Variants in CAST observed in about 807,000 individuals in gnomAD.
CAST encodes calpastatin.
A neutral mutation model predicts 119.6 loss-of-function variants in CAST; 76 were observed. The observed-to-expected ratio is 0.64, with a 90% CI of 0.53 to 0.77. CAST has a LOEUF of 0.77. Among genes scored for constraint, CAST ranks in the 30% least tolerant of loss-of-function variants. CAST has a pLI of 0.00. For missense variants in CAST, 953 were observed against 946.5 expected (o/e 1.01, Z -0.09); for synonymous variants, 319 against 331.6 (o/e 0.96, Z 0.41).
chr5:96,760,420 G>T (rs908924124), intron 24 of CAST, among the ~76,000 whole-genome samples: 8 of 151,848 alleles, frequency 5.3e-5, no homozygotes, highest in African/African-American at 1.4e-4. Context: ...CCCCTAATCT[G>T]TTAAAGAGTC....
chr5:96,171,146 G>T, the CAST span, among the ~76,000 whole-genome samples: 9 of 152,176 alleles, frequency 5.9e-5, no homozygotes, highest in African/African-American at 1.9e-4. Context: ...TGGACGTCAG[G>T]CACCTTAGCC....
chr5:96,541,832 C>T (rs1745918222), intron 1 of CAST, among the ~76,000 whole-genome samples: 1 of 152,114 alleles, frequency 6.6e-6, no homozygotes, highest in Admixed American at 6.5e-5. Context: ...ATAATATTCC[C>T]TTGTATGCAT....
intron 24 of CAST, chr5:96,760,824 A>G (rs879704027): frequency 2.6e-5 from 4 of 151,956 alleles, no homozygotes; most frequent in African/African-American, 4.8e-5. Flanking sequence ...TTTATGTGTT[A>G]ATTTTTTATT....
upstream of CAST, among the ~76,000 whole-genome samples, chr5:96,526,318 G>A (rs545786024): frequency 2.3e-4 from 35 of 152,276 alleles, no homozygotes; most frequent in African/African-American, 7.9e-4. Context: ...AGAGCAGGGA[G>A]GAAGGTGCAG....
intron 1 of CAST, among the ~76,000 whole-genome samples, chr5:96,663,939 C>CAAAAAAAAAAAAAAAAA (rs3048777): frequency 9.0e-6 from 1 of 111,004 alleles, no homozygotes. Context: ...GATTGCTTTC[C>CAAAAAAAAAAAAAAAAA]AAAAAAAAAA....
chr5:96,423,292 C>T, the CAST span: 3 of 1,597,010 alleles, frequency 1.9e-6, no homozygotes, highest in East Asian at 6.8e-5. Flanking sequence ...AAGTCACAGT[C>T]ATGAGAAGGC....
the CAST span, among the ~76,000 whole-genome samples, chr5:96,288,591 T>C: frequency 6.6e-6 from 1 of 152,200 alleles, no homozygotes; most frequent in Non-Finnish European, 1.5e-5. Context: ...TTCTGCATCA[T>C]TTTATAACCT....
At chr5:96,128,458 CT>C in the CAST span, among the ~76,000 whole-genome samples, 1 of 152,000 alleles carries the variant, frequency 6.6e-6, no homozygotes, top group Non-Finnish European at 1.5e-5. Context: ...CTCTAGAGAC[CT>C]TTTGGCTCCT....
At chr5:96,502,548 TA>T in the CAST span, among the ~76,000 whole-genome samples, 3 of 152,044 alleles carry the variant, frequency 2.0e-5, no homozygotes, top group East Asian at 3.9e-4. Flanking sequence ...CAAAGATGTA[TA>T]AAAAAAATTA....
the CAST span, chr5:96,432,041 A>G: frequency 2.1e-6 from 3 of 1,396,108 alleles, no homozygotes; most frequent in South Asian, 1.2e-5. Flanking sequence ...TCACTTGGAC[A>G]GGCAACAATA....
At chr5:96,193,747 G>T in the CAST span, among the ~76,000 whole-genome samples, 3 of 152,096 alleles carry the variant, frequency 2.0e-5, no homozygotes, top group African/African-American at 7.2e-5. Flanking sequence ...CGTTTGGATT[G>T]GTCCAAACAT....
intron 8 of CAST, among the ~76,000 whole-genome samples, 173 bp downstream of exon 8, chr5:96,729,898 C>G (rs1760096705): frequency 6.6e-6 from 1 of 152,134 alleles, no homozygotes; most frequent in Admixed American, 6.5e-5. Context: ...CTTGTAGGAA[C>G]TTGGATGCAT....
At chr5:96,339,148 C>T in the CAST span, among the ~76,000 whole-genome samples, 1 of 152,172 alleles carries the variant, frequency 6.6e-6, no homozygotes, top group African/African-American at 2.4e-5. Context: ...GTTACCAACA[C>T]TAAGTACTTT....
At position 96,772,761 on chromosome 5, in the gene CAST, C is replaced by T. The variant is rs1772925029; in HGVS notation, c.*145C>T. On this transcript the variant is annotated 3_prime_UTR_variant, in exon 32 of 32. Transcript: ENST00000675179. ...TGGTTTTTGTTGAGTCTCTGAACAT[C>T]CTAAATATTGGTTTGTTATTCTTTT... The T allele has an allele frequency of 6.6e-6, 1 of 152,610 alleles. No individual in the cohort carries two copies. 9.5% of individuals were successfully genotyped at this position (152,610 alleles called of 1,614,324 possible). A position where few individuals can be genotyped will look rare whatever the true frequency, so the allele number is the denominator to read the frequency against.
At chr5:96,354,306 A>G in the CAST span, among the ~76,000 whole-genome samples, 2 of 152,222 alleles carry the variant, frequency 1.3e-5, no homozygotes, top group Non-Finnish European at 2.9e-5. Flanking sequence ...AATAAAGTAC[A>G]CATATACATA....
the CAST span, among the ~76,000 whole-genome samples, chr5:96,378,388 T>C: frequency 6.6e-6 from 1 of 152,122 alleles, no homozygotes; most frequent in Non-Finnish European, 1.5e-5. Flanking sequence ...GTGATAGATA[T>C]GTTAATTAGC....
chr5:96,375,910 TATAAATATATAA>T, the CAST span, among the ~76,000 whole-genome samples: 1 of 147,298 alleles, frequency 6.8e-6, no homozygotes, highest in Non-Finnish European at 1.5e-5. Flanking sequence ...TATATATATA[TATAAATATATAA>T]ATATAAATAT....
chr5:96,047,003 T>G, the CAST span, among the ~76,000 whole-genome samples: 3 of 152,184 alleles, frequency 2.0e-5, no homozygotes, highest in African/African-American at 7.2e-5. Flanking sequence ...GGAGATATAA[T>G]TCAAGTTGAG....
chr5:96,347,387 T>A, the CAST span, among the ~76,000 whole-genome samples: 1 of 152,186 alleles, frequency 6.6e-6, no homozygotes, highest in Non-Finnish European at 1.5e-5. Flanking sequence ...CAGAAGTCCG[T>A]GCTTATCCTT....
Sources: allele counts gnomAD v4.1 joint callset (sites outside exome capture counted in the v4.1 genomes callset), GRCh38; gene constraint gnomAD v4.1.1; transcripts MANE v1.5; gene names NCBI Gene and HGNC (gene_info 2026-07-23, HGNC 2026-07-21).